The following RANBP9 variants were observed in gnomAD, a reference collection of about 807,000 sequenced individuals.
RANBP9 encodes the protein RAN binding protein 9.
Under a neutral mutation model 84.3 loss-of-function variants are expected in RANBP9, and 15 were observed. That is an observed-to-expected ratio of 0.18 (90% confidence interval 0.12 to 0.27). The LOEUF (loss-of-function observed/expected upper bound fraction) is 0.27. Among genes scored for constraint, RANBP9 ranks in the 10% least tolerant of loss-of-function variants. RANBP9 has a pLI of 1.00. For missense variants in RANBP9, 809 were observed against 912.8 expected (o/e 0.89, Z 1.46); for synonymous variants, 392 against 349.6 (o/e 1.12, Z -1.35).
At chr6:13,685,168 C>A (rs1208014436) in intron 2 of RANBP9, among the ~76,000 whole-genome samples, 1 of 152,090 alleles carries the variant, frequency 6.6e-6, no homozygotes, top group Non-Finnish European at 1.5e-5. Context: ...AGAAATCTTT[C>A]CTACGGAAAT....
At chr6:13,671,415 T>A (rs1489646551) in intron 2 of RANBP9, among the ~76,000 whole-genome samples, 1 of 152,156 alleles carries the variant, frequency 6.6e-6, no homozygotes, top group African/African-American at 2.4e-5. Flanking sequence ...AAACAAAATG[T>A]GATATATTAA....
intron 9 of RANBP9, among the ~76,000 whole-genome samples, chr6:13,638,994 A>C (rs190445189): frequency 6.6e-6 from 1 of 152,292 alleles, no homozygotes; most frequent in East Asian, 1.9e-4. Context: ...AAAATCAATA[A>C]TTTAATTCTG....
At chr6:13,661,914 C>A (rs1765545339) in intron 2 of RANBP9, among the ~76,000 whole-genome samples, 1 of 152,096 alleles carries the variant, frequency 6.6e-6, no homozygotes, top group Non-Finnish European at 1.5e-5. Context: ...AAAACAATGG[C>A]ACAATATGTT....
chr6:13,654,330 T>G (rs1409573663), intron 4 of RANBP9, among the ~76,000 whole-genome samples: 3 of 152,226 alleles, frequency 2.0e-5, no homozygotes, highest in African/African-American at 4.8e-5. Context: ...AAAGTGATCT[T>G]CAATTGGTGA....
chr6:13,711,631 CG>C lies in RANBP9; in HGVS notation c.-127del. ...GTCCGCCCGCCCCGGAAGCAGGCGG[CG>C]GGCCGCGCGCCCAGGGAGACCGCGG... On this transcript the variant is annotated 5_prime_UTR_variant, in exon 1 of 14. Transcript: ENST00000011619. 2.2e-6 allele frequency: 2 copies of C among 910,122 alleles called. No individual in the cohort carries two copies. Among genetic ancestry groups the C allele is most frequent in the Non-Finnish European group, 2.8e-6 (2 of 711,734 alleles). 56.4% of individuals were successfully genotyped at this position (910,122 alleles called of 1,614,324 possible). A position where few individuals can be genotyped will look rare whatever the true frequency, so the allele number is the denominator to read the frequency against.
At chr6:13,691,696 C>CAGA (rs1268451755) in intron 2 of RANBP9, among the ~76,000 whole-genome samples, 1 of 151,910 alleles carries the variant, frequency 6.6e-6, no homozygotes. Context: ...GACTGAGTCT[C>CAGA]GCACAGTCAC....
intron 2 of RANBP9, among the ~76,000 whole-genome samples, chr6:13,689,648 C>T (rs1766278480): frequency 1.3e-5 from 2 of 152,116 alleles, no homozygotes; most frequent in Non-Finnish European, 2.9e-5. Flanking sequence ...TGCCAAAGAC[C>T]ACAAAGTTGC....
chr6:13,647,466 C>G (rs916701600), intron 5 of RANBP9, among the ~76,000 whole-genome samples: 1 of 151,948 alleles, frequency 6.6e-6, no homozygotes, highest in African/African-American at 2.4e-5. Flanking sequence ...GCAAAAAGAA[C>G]AGAATGAAAA....
chr6:13,632,272 C>A, intron 12 of RANBP9, 98 bp downstream of exon 12: 1 of 1,273,070 alleles, frequency 7.9e-7, no homozygotes, highest in South Asian at 1.5e-5. Flanking sequence ...GGTCCCAGTT[C>A]CCTAACAAGA....
At chr6:13,704,732 T>C (rs765835210) in intron 1 of RANBP9, among the ~76,000 whole-genome samples, 1 of 152,076 alleles carries the variant, frequency 6.6e-6, no homozygotes, top group Non-Finnish European at 1.5e-5. Flanking sequence ...ACCAGACACA[T>C]AAAGTAATTC....
intron 5 of RANBP9, among the ~76,000 whole-genome samples, chr6:13,648,298 C>G (rs915478715): frequency 1.9e-4 from 29 of 151,926 alleles, no homozygotes; most frequent in African/African-American, 7.0e-4. Flanking sequence ...CAGCCACATG[C>G]CACCACTCCT....
intron 2 of RANBP9, among the ~76,000 whole-genome samples, chr6:13,665,803 T>C (rs545860131): frequency 6.6e-6 from 1 of 152,328 alleles, no homozygotes; most frequent in African/African-American, 2.4e-5. Context: ...CAATTACTGA[T>C]AAACACAAAT....
Position 13,686,101 on chromosome 6 carries a change from CCCCCCCCCCCCCCCG to C in RANBP9, c.683+10669_683+10683del. Among the ~76,000 whole-genome samples, 2 of 23,824 alleles carry C rather than the reference CCCCCCCCCCCCCCCG, an allele frequency of 8.4e-5. 1 individual carries two copies. The highest frequency in any genetic ancestry group is 6.4e-3 in the East Asian group (2 of 312). The allele number at this position is 23,824 out of a possible 152,430, so 15.6% of individuals were successfully genotyped here. A position where few individuals can be genotyped will look rare whatever the true frequency, so the allele number is the denominator to read the frequency against. ...CTTTCCTGAATTTCCAAAATTTCTT[CCCCCCCCCCCCCCCG>C]CCCCCCGAAATAGAGTCTCACTCTG... On this transcript the variant is annotated intron_variant, in intron 2 of 13. Coordinates refer to ENST00000011619, the MANE Select transcript of RANBP9 (RefSeq NM_005493.3).
At chr6:13,669,525 G>A (rs1046003317) in intron 2 of RANBP9, among the ~76,000 whole-genome samples, 5 of 152,140 alleles carry the variant, frequency 3.3e-5, no homozygotes, top group African/African-American at 9.7e-5. Flanking sequence ...CTTAAAAACA[G>A]ACATAGAGAT....
intron 2 of RANBP9, among the ~76,000 whole-genome samples, chr6:13,669,409 T>C (rs1156646910): frequency 1.3e-5 from 2 of 152,112 alleles, no homozygotes; most frequent in Non-Finnish European, 2.9e-5. Flanking sequence ...AAGGGCCCAG[T>C]AGAGCCAAAA....
At chr6:13,631,067 C>G (rs1764768488) in intron 12 of RANBP9, among the ~76,000 whole-genome samples, 1 of 152,278 alleles carries the variant, frequency 6.6e-6, no homozygotes, top group African/African-American at 2.4e-5. Context: ...CTCAGCCTCC[C>G]AAAGTGCTGG....
chr6:13,630,263 A>G (rs140450725), intron 12 of RANBP9, among the ~76,000 whole-genome samples: 2,920 of 152,238 alleles, frequency 0.019, 36 homozygotes, highest in Non-Finnish European at 0.028. Flanking sequence ...GAGGTGCAAA[A>G]TCAAAGACAT....
chr6:13,642,739 A>T (rs1765095836), intron 6 of RANBP9, 148 bp from the exon 7 acceptor site: 3 of 465,848 alleles, frequency 6.4e-6, no homozygotes, highest in Admixed American at 7.9e-5. Flanking sequence ...CTTTAAAGTA[A>T]GCTTTTGAAA....
rs1336725256 is a variant in RANBP9, at chr6:13,711,092, C to G, written c.414G>C (p.Ser138=). The part of the protein sequence containing the change: ...SAAAPFPHGD[S]ALNEQEKELQ... Reference sequence around the variant, plus strand: ...ACTCCTTCTCCTGCTCGTTCAGGGCCGAGTCCCCGTGAGGGAAGGGGGCCG... The same window carrying G: ...ACTCCTTCTCCTGCTCGTTCAGGGCGGAGTCCCCGTGAGGGAAGGGGGCCG... The change falls in exon 1 of 14, where the codon TCG becomes TCC. Residue 138 remains serine (S), a synonymous_variant. Coordinates refer to ENST00000011619, the MANE Select transcript of RANBP9 (RefSeq NM_005493.3). 5.1e-6 allele frequency: 8 copies of G among 1,570,958 alleles called. No homozygotes were observed. In the African/African-American group the frequency reaches 5.4e-5, roughly 11 times the overall value.
Sources: gnomAD v4.1 joint callset for allele counts (sites outside exome capture counted in the v4.1 genomes callset) on GRCh38, gnomAD v4.1.1 for gene constraint, MANE v1.5 for transcripts, NCBI Gene and HGNC (gene_info 2026-07-23, HGNC 2026-07-21) for gene names.